The following CYB5RL variants were observed in gnomAD, a reference collection of about 807,000 sequenced individuals.
CYB5RL encodes the protein NADH-cytochrome b5 reductase-like.
Under a neutral mutation model 37.5 loss-of-function variants are expected in CYB5RL, and 38 were observed. That is an observed-to-expected ratio of 1.01 (90% CI 0.78 to 1.33). The LOEUF (loss-of-function observed/expected upper bound fraction) is 1.33, where lower values mean the gene tolerates loss of function less well. Among genes scored for constraint, CYB5RL ranks in the 40% most tolerant of loss-of-function variants. The pLI is 0.00. For missense variants in CYB5RL, 388 were observed against 394.4 expected (o/e 0.98, Z 0.14); for synonymous variants, 141 against 151.9 (o/e 0.93, Z 0.53).
rs1303454340 is a variant in CYB5RL at position 54,170,169 on chromosome 1, C to T, written c.*4450G>A. On this transcript the variant is annotated 3_prime_UTR_variant, in exon 8 of 8. Transcript: ENST00000534324. ...CCAGGCTGGAGTGCAGTGGTGCCAT[C>T]TGGGCTCACTGCAACCTCCGCCTCC... The T allele has an allele frequency of 1.3e-5, 2 of 152,136 alleles. No individual in the cohort carries two copies. Among genetic ancestry groups the T allele is most frequent in the African/African-American group, 4.8e-5 (2 of 41,404 alleles). The allele number at this position is 152,136 out of a possible 1,614,324, so 9.4% of individuals were successfully genotyped here.
At position 54,174,844 on chromosome 1, in the gene CYB5RL, G is replaced by A. The variant is rs1463281259; in HGVS notation, c.745-22C>T. On this transcript the variant is annotated intron_variant, in intron 7 of 7. Transcript: ENST00000534324. ...TCTCCTGGGAAGACAAGAAAGGCATGGGTGACTACAAGGGAGCGGGGGGTC... is the reference window on the plus strand; with the variant it reads ...TCTCCTGGGAAGACAAGAAAGGCATAGGTGACTACAAGGGAGCGGGGGGTC... 3.7e-6 allele frequency: 6 copies of A among 1,607,826 alleles called. No individual in the cohort carries two copies. In the Admixed American group the frequency reaches 5.0e-5, roughly 13 times the overall value.
At position 54,184,288 on chromosome 1, in the gene CYB5RL, G is replaced by T. The variant is rs753112264; in HGVS notation, c.436-23C>A. 3.7e-6 allele frequency: 6 copies of T among 1,601,638 alleles called. No individual in the cohort carries two copies. In the Admixed American group the frequency reaches 6.8e-5, roughly 18 times the overall value. On this transcript the variant is annotated intron_variant, in intron 5 of 7. Transcript: ENST00000534324. ...GCACTGGAAGCAAACACAGGGAGAC[G>T]TCAGCGGGACAGGTACATGCTGCCA...
At chr1:54,190,706 G>C (rs1200872945) in intron 4 of CYB5RL, 42 bp downstream of exon 4, 1 of 1,551,022 alleles carries the variant, frequency 6.4e-7, no homozygotes, top group Non-Finnish European at 8.7e-7. Flanking sequence ...AAATAGCAAA[G>C]CAGGGCTGTG....
chr1:54,190,441 A>G (rs544021762), intron 4 of CYB5RL: 5 of 562,314 alleles, frequency 8.9e-6, no homozygotes, highest in East Asian at 3.0e-5. Flanking sequence ...TCTTACTTCA[A>G]TTTCCTCTGG....
chr1:54,197,426 T>C (rs762926068), intron 1 of CYB5RL, among the ~76,000 whole-genome samples: 4 of 149,146 alleles, frequency 2.7e-5, no homozygotes, highest in Non-Finnish European at 5.9e-5. Context: ...TGGGCTCAAG[T>C]GATTCTCCTG....
chr1:54,183,686 T>C (rs1403219943), intron 6 of CYB5RL, among the ~76,000 whole-genome samples: 1 of 152,084 alleles, frequency 6.6e-6, no homozygotes, highest in East Asian at 1.9e-4. Flanking sequence ...TTTATAAGTG[T>C]CTACTCTGGC....
intron 3 of CYB5RL, among the ~76,000 whole-genome samples, chr1:54,193,529 G>A (rs556560702): frequency 2.6e-5 from 4 of 152,308 alleles, no homozygotes; most frequent in Admixed American, 6.5e-5. Context: ...AACTTCCAGT[G>A]GCAGAAATAC....
In CYB5RL at chr1:54,190,661, G is replaced by C. The variant is rs1455803115; in HGVS notation, c.347+87C>G. 3.3e-6 allele frequency: 5 copies of C among 1,505,782 alleles called. No homozygotes were observed. The Admixed American group carries it at 5.9e-5, about 18-fold the overall frequency. The allele number at this position is 1,505,782 out of a possible 1,614,324, so 93.3% of individuals were successfully genotyped here. A position where few individuals can be genotyped will look rare whatever the true frequency, so the allele number is the denominator to read the frequency against. ...GAAGATGACAAATGGAGGCTTAAGG[G>C]AGAGTACGCTAGTTGGTCAAGGCCA... On this transcript the variant is annotated intron_variant, in intron 4 of 7. Transcript: ENST00000534324.
rs913842243 is a variant in CYB5RL at position 54,170,116 on chromosome 1, T to G, written c.*4503A>C. The G allele has an allele frequency of 3.3e-5, 5 of 152,218 alleles. No homozygotes were observed. The highest frequency in any genetic ancestry group is 7.2e-5 in the African/African-American group (3 of 41,460). The allele number at this position is 152,218 out of a possible 1,614,324, so 9.4% of individuals were successfully genotyped here. On this transcript the variant is annotated 3_prime_UTR_variant, in exon 8 of 8. Coordinates refer to ENST00000534324, the MANE Select transcript of CYB5RL (RefSeq NM_001031672.4). ...GAATGCAGCAATAAAAATCTTTTTT[T>G]GGGGGGCACTGAGTCTCGCTCTGTC...
At chr1:54,196,067 T>C (rs946442) in intron 2 of CYB5RL, among the ~76,000 whole-genome samples, 2,366 of 152,336 alleles carry the variant, frequency 0.016, 39 homozygotes, top group Non-Finnish European at 0.023. Context: ...GCTTGGCATA[T>C]GGAAGAAAGG....
rs1644015107 is a variant in CYB5RL at position 54,197,187 on chromosome 1, A to G, written c.-222-696T>C. The stretch of plus-strand genomic sequence containing the variant: ...GATATGAGTCTGGAGATGGAGGGAC[A>G]GTGAAGAGAGAAAAACAGGTGCAGG... On this transcript the variant is annotated intron_variant, in intron 1 of 7. Transcript: ENST00000534324. 2.0e-5 allele frequency among the ~76,000 whole-genome samples: 3 copies of G among 152,186 alleles called. No individual in the cohort carries two copies. In the South Asian group the frequency reaches 6.2e-4, roughly 32 times the overall value.
chr1:54,181,128 G>A (rs1660149324), intron 6 of CYB5RL, among the ~76,000 whole-genome samples: 1 of 152,224 alleles, frequency 6.6e-6, no homozygotes, highest in Admixed American at 6.5e-5. Flanking sequence ...CTGTGTCTGT[G>A]CTCTCTCCAG....
chr1:54,191,364 T>C (rs1643952173), intron 3 of CYB5RL, among the ~76,000 whole-genome samples: 1 of 152,186 alleles, frequency 6.6e-6, no homozygotes, highest in African/African-American at 2.4e-5. Flanking sequence ...AAATCCAGAT[T>C]TGCATAATTT....
chr1:54,191,695 G>C (rs1467064334), intron 3 of CYB5RL, among the ~76,000 whole-genome samples: 1 of 152,220 alleles, frequency 6.6e-6, no homozygotes, highest in African/African-American at 2.4e-5. Context: ...AGTTACCCAT[G>C]GTAGTGCTGA....
chr1:54,181,506 G>C (rs1340830815), intron 6 of CYB5RL, among the ~76,000 whole-genome samples: 1 of 152,254 alleles, frequency 6.6e-6, no homozygotes, highest in Non-Finnish European at 1.5e-5. Flanking sequence ...GACGACTGCA[G>C]AGCAGCAAAA....
intron 7 of CYB5RL, among the ~76,000 whole-genome samples, chr1:54,177,397 G>C (rs1660046962): frequency 6.6e-6 from 1 of 152,150 alleles, no homozygotes; most frequent in Non-Finnish European, 1.5e-5. Context: ...GGCCCAGCTG[G>C]GGACTAAAAA....
At chr1:54,179,389 G>T in intron 6 of CYB5RL, 37 bp from the exon 7 acceptor site, 2 of 1,587,382 alleles carry the variant, frequency 1.3e-6, no homozygotes, top group East Asian at 4.5e-5. Flanking sequence ...CAGGTGGGTT[G>T]GGAGAGTCTC....
At chr1:54,175,011 C>T (rs72908045) in intron 7 of CYB5RL, among the ~76,000 whole-genome samples, 189 bp from the exon 8 acceptor site, 2,120 of 152,198 alleles carry the variant, frequency 0.014, 52 homozygotes, top group African/African-American at 0.048. Flanking sequence ...AACTATCACC[C>T]TCCCACGACA....
In CYB5RL at chr1:54,170,301, C is replaced by T. The variant is rs986913994; in HGVS notation, c.*4318G>A. On this transcript the variant is annotated 3_prime_UTR_variant, in exon 8 of 8. Transcript: ENST00000534324. ...TATCTGTAGTAGAGACAGGGTTTCA[C>T]CATGTTGGCCAGCATGGTCTCAAAC... 1 of 152,050 alleles carries T rather than the reference C, an allele frequency of 6.6e-6. No homozygotes were observed. The highest frequency in any genetic ancestry group is 2.4e-5 in the African/African-American group (1 of 41,370). The allele number at this position is 152,050 out of a possible 1,614,324, so 9.4% of individuals were successfully genotyped here.
Sources: allele counts gnomAD v4.1 joint callset (sites outside exome capture counted in the v4.1 genomes callset), GRCh38; gene constraint gnomAD v4.1.1; transcripts MANE v1.5; gene names NCBI Gene and HGNC (gene_info 2026-07-23, HGNC 2026-07-21).